KDM6A: variants seen among roughly 807,000 people sequenced by gnomAD.
The protein encoded by KDM6A is lysine demethylase 6A.
In KDM6A, 11 loss-of-function variants were observed where a neutral mutation model predicts 117.6. The ratio of observed to expected loss-of-function variants is 0.09; its 90% confidence interval spans 0.06 to 0.15. The LOEUF (loss-of-function observed/expected upper bound fraction) is 0.15, where lower values mean the gene tolerates loss of function less well. Ranked by LOEUF, KDM6A falls within the 10% of genes least tolerant of loss-of-function variation. The pLI is 1.00. For synonymous variants in KDM6A, 384 were observed against 396.1 expected (o/e 0.97, Z 0.36); for missense variants, 799 against 1,077.3 (o/e 0.74, Z 3.62).
At chrX:44,953,653 C>T (rs2038150865) in intron 2 of KDM6A, among the ~76,000 whole-genome samples, 1 of 111,122 alleles carries the variant, frequency 9.0e-6, no homozygotes, top group South Asian at 3.7e-4. Flanking sequence ...CGGCTGGGGT[C>T]AGGACTAGGA....
chrX:44,873,295 GC>G lies in KDM6A; in HGVS notation c.-252del. ...GTTCCCGCCGTCCCCGCCTGTGGCT[GC>G]CCCCTGCCCAACCCCGCGATGTGAC... On this transcript the variant is annotated 5_prime_UTR_variant, in exon 1 of 30. Transcript: ENST00000611820. 5.6e-6 allele frequency: 2 copies of G among 357,322 alleles called. No individual in the cohort carries two copies. Among genetic ancestry groups the G allele is most frequent in the Non-Finnish European group, 4.8e-6 (1 of 207,882 alleles). 29.4% of individuals were successfully genotyped at this position (357,322 alleles called of 1,213,427 possible).
chrX:45,001,539 A>G (rs1465778165), intron 4 of KDM6A, among the ~76,000 whole-genome samples: 1 of 111,361 alleles, frequency 9.0e-6, no homozygotes, highest in African/African-American at 3.3e-5. Context: ...CAGGAGGGAC[A>G]GAGGTACTTT....
In KDM6A at chrX:45,070,266, C is replaced by T. The variant is rs1393641464; in HGVS notation, c.2767C>T (p.Leu923Phe). Reference sequence around the variant, plus strand: ...TCAGAGCCCCATGAAAACAGATCTGCTTCTGGTTAACCACAAACCTAGTCC... The same window carrying T: ...TCAGAGCCCCATGAAAACAGATCTGTTTCTGGTTAACCACAAACCTAGTCC... ...ESQSPMKTDL[L>F]LVNHKPSPQI... The change falls in exon 18 of 30, where the codon CTT (leucine) becomes TTT (phenylalanine). Residue 923 changes from leucine (L) to phenylalanine (F), a missense_variant. Coordinates refer to ENST00000611820, the MANE Select transcript of KDM6A (RefSeq NM_001291415.2). The T allele has an allele frequency of 1.7e-6, 2 of 1,208,066 alleles. No individual in the cohort carries two copies. Among genetic ancestry groups the T allele is most frequent in the East Asian group, 5.9e-5 (2 of 33,756 alleles).
chrX:44,946,477 A>G (rs756662750), intron 2 of KDM6A, among the ~76,000 whole-genome samples: 2 of 111,718 alleles, frequency 1.8e-5, no homozygotes, highest in Non-Finnish European at 3.8e-5. Flanking sequence ...TTGTCACTAC[A>G]TGTGTTGAAA....
At position 45,089,803 on chromosome X, in the gene KDM6A, A is replaced by G. The variant is rs892411569; in HGVS notation, c.3765A>G (p.Ala1255=). The G allele has an allele frequency of 1.7e-6, 2 of 1,207,016 alleles. No individual in the cohort carries two copies. The highest frequency in any genetic ancestry group is 3.5e-5 in the African/African-American group (2 of 56,983). ...WWPNLEDLYE[A]NVPVYRFIQR... ...CCAATCTTGAAGATCTTTATGAAGC[A>G]AATGTTCCAGTGTATAGGTTTATTC... Residue 1255 remains alanine, a synonymous_variant, in exon 26 of 30, where the codon GCA becomes GCG. Coordinates refer to ENST00000611820, the MANE Select transcript of KDM6A (RefSeq NM_001291415.2).
chrX:44,888,977 ATCAGCTGAGACACTT>A (rs2033122092), intron 2 of KDM6A, among the ~76,000 whole-genome samples: 1 of 112,066 alleles, frequency 8.9e-6, no homozygotes, highest in African/African-American at 3.2e-5. Context: ...GTCGCTTGGC[ATCAGCTGAGACACTT>A]TCTGATCTAT....
chrX:45,104,534 C>T (rs1044397512), intron 27 of KDM6A, among the ~76,000 whole-genome samples: 5 of 111,833 alleles, frequency 4.5e-5, no homozygotes, highest in Non-Finnish European at 7.5e-5. Context: ...TTCTTTACTA[C>T]GATCCTTTCC....
At chrX:45,096,959 C>T (rs1378673000) in intron 27 of KDM6A, among the ~76,000 whole-genome samples, 1 of 111,732 alleles carries the variant, frequency 8.9e-6, no homozygotes, top group African/African-American at 3.3e-5. Flanking sequence ...ATGGAATCAA[C>T]CTAAATGCTC....
At chrX:44,975,321 T>G (rs1057480922) in intron 4 of KDM6A, among the ~76,000 whole-genome samples, 6 of 110,760 alleles carry the variant, frequency 5.4e-5, no homozygotes, top group African/African-American at 2.0e-4. Flanking sequence ...TTTTTAAATC[T>G]GAATTGCTGT....
chrX:44,908,651 G>A (rs988311178), intron 2 of KDM6A, among the ~76,000 whole-genome samples: 1 of 111,786 alleles, frequency 8.9e-6, no homozygotes, highest in Non-Finnish European at 1.9e-5. Flanking sequence ...AAGTCACACA[G>A]TGTCATTTTT....
chrX:44,959,390 G>A (rs1305186846), intron 2 of KDM6A, among the ~76,000 whole-genome samples: 3 of 109,235 alleles, frequency 2.7e-5, no homozygotes. Flanking sequence ...CAAGGCAGTG[G>A]CATGAAGGGT....
intron 8 of KDM6A, among the ~76,000 whole-genome samples, chrX:45,042,053 C>T (rs1478588243): frequency 2.5e-4 from 27 of 110,128 alleles, no homozygotes; most frequent in African/African-American, 8.7e-4. Flanking sequence ...AGCTGGAGAC[C>T]AGCCCGGTCA....
At chrX:44,929,176 C>T (rs1006092278) in intron 2 of KDM6A, among the ~76,000 whole-genome samples, 2 of 109,882 alleles carry the variant, frequency 1.8e-5, no homozygotes, top group East Asian at 5.7e-4. Context: ...GTGATCCACC[C>T]GCCTTGGCCT....
chrX:44,923,988 G>A (rs931198507), intron 2 of KDM6A, among the ~76,000 whole-genome samples: 1 of 112,089 alleles, frequency 8.9e-6, no homozygotes, highest in African/African-American at 3.2e-5. Context: ...CTCCCAAAGT[G>A]CTGGGATTAC....
chrX:45,082,128 G>A lies in KDM6A; in HGVS notation c.3301-448G>A, dbSNP rs73493106. 5.6e-3 allele frequency among the ~76,000 whole-genome samples: 612 copies of A among 109,124 alleles called. 6 individuals carry two copies. The highest frequency in any genetic ancestry group is 0.019 in the African/African-American group (580 of 30,072). The allele number at this position is 109,124 out of a possible 115,157, so 94.8% of individuals were successfully genotyped here. Reference sequence around the variant, plus strand: ...GTGGTGTTTGAAGAAATTTTCATGTGTAAGAGGCCTATAGAAACTTAGTTT... The same window carrying A: ...GTGGTGTTTGAAGAAATTTTCATGTATAAGAGGCCTATAGAAACTTAGTTT... On this transcript the variant is annotated intron_variant, in intron 21 of 29. Coordinates refer to ENST00000611820, the MANE Select transcript of KDM6A (RefSeq NM_001291415.2).
chrX:45,078,970 G>A lies in KDM6A; in HGVS notation c.3095-176G>A, dbSNP rs141393773. Among the ~76,000 whole-genome samples, 606 of 109,951 alleles carry A rather than the reference G, an allele frequency of 5.5e-3. 5 individuals carry two copies. Among genetic ancestry groups the A allele is most frequent in the African/African-American group, 0.019 (577 of 30,207 alleles). On this transcript the variant is annotated intron_variant, in intron 20 of 29. Transcript: ENST00000611820. ...TAGCAGTTAGATTCAGGGCTTCAGC[G>A]TATGGTTCTGCAAACTTGGCACATA...
intron 3 of KDM6A, among the ~76,000 whole-genome samples, chrX:44,963,479 G>GTCTGTCTGTCTGTC (rs1217912003): frequency 3.9e-5 from 1 of 25,515 alleles, no homozygotes; most frequent in African/African-American, 1.3e-4. Context: ...GTGTGTGTGT[G>GTCTGTCTGTCTGTC]TGTGTGTCTG....
At chrX:44,989,332 C>T (rs750830303) in intron 4 of KDM6A, among the ~76,000 whole-genome samples, 7 of 106,402 alleles carry the variant, frequency 6.6e-5, no homozygotes, top group Non-Finnish European at 1.4e-4. Context: ...AGGGAATTCC[C>T]TGACTCCTTG....
intron 8 of KDM6A, among the ~76,000 whole-genome samples, chrX:45,040,597 G>A (rs1412516475): frequency 5.1e-5 from 4 of 78,921 alleles, no homozygotes; most frequent in African/African-American, 1.1e-4. Flanking sequence ...CTCACCTCCC[G>A]GACGGGGCGG....
Sources: gnomAD v4.1 joint callset for allele counts (sites outside exome capture counted in the v4.1 genomes callset) on GRCh38, gnomAD v4.1.1 for gene constraint, MANE v1.5 for transcripts, NCBI Gene and HGNC (gene_info 2026-07-23, HGNC 2026-07-21) for gene names.